The following ATP9A variants were observed in gnomAD, a reference collection of about 807,000 sequenced individuals.
ATP9A encodes the protein probable phospholipid-transporting ATPase IIA.
ATP9A carries 52 observed loss-of-function variants against 144.1 expected under a neutral mutation model. That is an observed-to-expected ratio of 0.36 (90% CI 0.29 to 0.45). The LOEUF is 0.45. Among genes scored for constraint, ATP9A ranks in the 20% least tolerant of loss-of-function variants. The pLI is 1.00. For synonymous variants in ATP9A, 582 were observed against 557.4 expected (o/e 1.04, Z -0.62); for missense variants, 947 against 1,392.7 (o/e 0.68, Z 5.09).
At chr20:51,699,965 C>A (rs1344937649) in intron 4 of ATP9A, among the ~76,000 whole-genome samples, 2 of 152,124 alleles carry the variant, frequency 1.3e-5, no homozygotes, top group Admixed American at 6.6e-5. Flanking sequence ...CTAGAAAGCA[C>A]TCAACTAACA....
chr20:51,696,044 A>T, intron 6 of ATP9A, 49 bp downstream of exon 6: 1 of 1,522,642 alleles, frequency 6.6e-7, no homozygotes, highest in Non-Finnish European at 9.1e-7. Flanking sequence ...TTGCCAAATT[A>T]CCACTGAAAG....
intron 6 of ATP9A, among the ~76,000 whole-genome samples, chr20:51,695,322 A>C (rs768406941): frequency 3.9e-5 from 6 of 152,102 alleles, no homozygotes; most frequent in Non-Finnish European, 8.8e-5. Context: ...GTCTCTACTA[A>C]AAATACAAAA....
intron 13 of ATP9A, among the ~76,000 whole-genome samples, chr20:51,666,427 T>C (rs529316299): frequency 9.9e-5 from 15 of 152,098 alleles, no homozygotes; most frequent in Non-Finnish European, 2.1e-4. Flanking sequence ...ACGTCTGTAA[T>C]CCCAGCACTT....
intron 17 of ATP9A, among the ~76,000 whole-genome samples, chr20:51,626,656 CA>C (rs59299183): frequency 6.1e-4 from 83 of 136,192 alleles, no homozygotes; most frequent in African/African-American, 8.3e-4. Flanking sequence ...AATAAATGTG[CA>C]AAAAAAAAAA....
intron 13 of ATP9A, 91 bp downstream of exon 13, chr20:51,669,906 A>T: frequency 1.1e-6 from 1 of 875,602 alleles, no homozygotes; most frequent in Non-Finnish European, 1.9e-6. Flanking sequence ...GAAATGGGTG[A>T]ATTGTACGGT....
intron 12 of ATP9A, among the ~76,000 whole-genome samples, chr20:51,670,712 C>A (rs989438746): frequency 6.6e-6 from 1 of 152,190 alleles, no homozygotes; most frequent in South Asian, 2.1e-4. Flanking sequence ...AATGCCTGGA[C>A]AAGCATTAAG....
chr20:51,678,135 G>T (rs971370017), intron 9 of ATP9A, among the ~76,000 whole-genome samples: 1 of 151,286 alleles, frequency 6.6e-6, no homozygotes, highest in African/African-American at 2.4e-5. Context: ...GTGGCAGGGC[G>T]GGGGGAAGGG....
chr20:51,763,470 A>G (rs146985424), intron 1 of ATP9A, among the ~76,000 whole-genome samples: 49,751 of 150,900 alleles, frequency 0.33, 8,084 homozygotes, highest in Middle Eastern at 0.4. Flanking sequence ...CCGCCACCAC[A>G]CCCAGCTAAT....
intron 5 of ATP9A, 73 bp from the exon 6 acceptor site, chr20:51,696,217 GCCCCCA>G: frequency 7.0e-7 from 1 of 1,421,780 alleles, no homozygotes; most frequent in Non-Finnish European, 9.9e-7. Flanking sequence ...GGGGGCTTCC[GCCCCCA>G]CCCCCAACCC....
At chr20:51,669,456 T>C (rs1215943874) in intron 13 of ATP9A, among the ~76,000 whole-genome samples, 1 of 152,104 alleles carries the variant, frequency 6.6e-6, no homozygotes, top group Non-Finnish European at 1.5e-5. Context: ...GATTGTTGAG[T>C]TGAATGTAGA....
chr20:51,674,585 A>C (rs2077469467), intron 10 of ATP9A, among the ~76,000 whole-genome samples: 1 of 152,200 alleles, frequency 6.6e-6, no homozygotes, highest in African/African-American at 2.4e-5. Flanking sequence ...ACTCAAAAAA[A>C]TGTTTACAAC....
intron 13 of ATP9A, among the ~76,000 whole-genome samples, chr20:51,663,671 G>A (rs1299707057): frequency 3.3e-5 from 5 of 151,944 alleles, no homozygotes; most frequent in African/African-American, 1.2e-4. Context: ...GTAGGCGCCT[G>A]TAATCCCAGC....
intron 18 of ATP9A, 106 bp from the exon 19 acceptor site, chr20:51,622,278 C>G (rs1387446383): frequency 5.7e-6 from 5 of 879,028 alleles, no homozygotes; most frequent in Non-Finnish European, 5.5e-6. Flanking sequence ...TGGTATGTTC[C>G]GTTTACCTCC....
At chr20:51,699,247 C>T (rs1407580895) in intron 4 of ATP9A, among the ~76,000 whole-genome samples, 2 of 148,906 alleles carry the variant, frequency 1.3e-5, no homozygotes, top group African/African-American at 5.0e-5. Flanking sequence ...GCAGGAGAAT[C>T]GCTTGAACCC....
chr20:51,650,557 A>T (rs926683043), intron 14 of ATP9A, among the ~76,000 whole-genome samples: 4 of 151,934 alleles, frequency 2.6e-5, no homozygotes, highest in Admixed American at 1.3e-4. Flanking sequence ...AAAAATAAAA[A>T]ATATATATAT....
intron 14 of ATP9A, among the ~76,000 whole-genome samples, chr20:51,640,204 C>T (rs1228580225): frequency 2.6e-5 from 4 of 152,162 alleles, no homozygotes; most frequent in Non-Finnish European, 5.9e-5. Context: ...AGAATGCTGA[C>T]TGACACAGCC....
At chr20:51,700,597 G>A (rs1363911396) in intron 4 of ATP9A, among the ~76,000 whole-genome samples, 1 of 152,176 alleles carries the variant, frequency 6.6e-6, no homozygotes, top group Non-Finnish European at 1.5e-5. Context: ...TTGGGAGGCC[G>A]AGGCGGGCGG....
chr20:51,667,736 G>T (rs531063229), intron 13 of ATP9A, among the ~76,000 whole-genome samples: 1 of 152,128 alleles, frequency 6.6e-6, no homozygotes, highest in South Asian at 2.1e-4. Context: ...CTTGCTGAGT[G>T]AGTGAGAAGG....
intron 1 of ATP9A, among the ~76,000 whole-genome samples, chr20:51,765,774 G>A (rs1227900260): frequency 6.6e-6 from 1 of 152,028 alleles, no homozygotes. Flanking sequence ...TGGCCAACAT[G>A]GTGAAACAAC....
Sources: gnomAD v4.1 joint callset for allele counts (sites outside exome capture counted in the v4.1 genomes callset) on GRCh38, gnomAD v4.1.1 for gene constraint, MANE v1.5 for transcripts, NCBI Gene and HGNC (gene_info 2026-07-23, HGNC 2026-07-21) for gene names.